XPR1: variants seen among roughly 807,000 people sequenced by gnomAD.
XPR1 encodes the protein solute carrier family 53 member 1.
Under a neutral mutation model 87.5 loss-of-function variants are expected in XPR1, and 28 were observed. The ratio of observed to expected loss-of-function variants is 0.32; its 90% confidence interval spans 0.24 to 0.44. XPR1 has a LOEUF of 0.44. Among genes scored for constraint, XPR1 ranks in the 20% least tolerant of loss-of-function variants. The pLI, the probability that XPR1 is intolerant of heterozygous loss-of-function variation, is 1.00. For synonymous variants in XPR1, 300 were observed against 306.1 expected (o/e 0.98, Z 0.21); for missense variants, 559 against 862.3 (o/e 0.65, Z 4.41).
chr1:180,634,231 A>G (rs758833706), intron 1 of XPR1, among the ~76,000 whole-genome samples: 2 of 152,206 alleles, frequency 1.3e-5, no homozygotes, highest in Non-Finnish European at 2.9e-5. Flanking sequence ...TTCTCAGGGC[A>G]GTTATAAATT....
chr1:180,821,585 A>T (rs1273747763), intron 7 of XPR1, among the ~76,000 whole-genome samples: 2 of 152,158 alleles, frequency 1.3e-5, no homozygotes, highest in African/African-American at 2.4e-5. Context: ...TCTGAAAAAA[A>T]GCCATTGGAA....
intron 2 of XPR1, among the ~76,000 whole-genome samples, chr1:180,696,200 G>A (rs373127957): frequency 5.8e-4 from 64 of 110,032 alleles, no homozygotes; most frequent in Middle Eastern, 4.7e-3. Context: ...GTGTGTGTGT[G>A]TGTGTGTGTA....
intron 2 of XPR1, among the ~76,000 whole-genome samples, chr1:180,760,798 G>A (rs566520177): frequency 1.3e-5 from 2 of 152,092 alleles, no homozygotes; most frequent in South Asian, 2.1e-4. Flanking sequence ...AAAAGAGCCC[G>A]CATCGCCAAG....
intron 2 of XPR1, among the ~76,000 whole-genome samples, chr1:180,726,930 A>G (rs1302496412): frequency 6.7e-6 from 1 of 149,424 alleles, no homozygotes. Context: ...GCTGGAGTGC[A>G]GTGGCGCGTT....
At chr1:180,736,345 AG>A (rs1658730340) in intron 2 of XPR1, among the ~76,000 whole-genome samples, 1 of 152,178 alleles carries the variant, frequency 6.6e-6, no homozygotes. Flanking sequence ...GGCTCTTATG[AG>A]GACTAAAGGA....
intron 11 of XPR1, among the ~76,000 whole-genome samples, chr1:180,845,027 A>G (rs1651631113): frequency 6.6e-6 from 1 of 152,240 alleles, no homozygotes; most frequent in Non-Finnish European, 1.5e-5. Context: ...GTGATACAGA[A>G]AACAATTTAA....
At chr1:180,810,259 C>T (rs111745966) in intron 6 of XPR1, among the ~76,000 whole-genome samples, 65 of 152,200 alleles carry the variant, frequency 4.3e-4, no homozygotes, top group Non-Finnish European at 8.2e-4. Flanking sequence ...AAGAACCTCT[C>T]GTATATCCTG....
At chr1:180,693,720 C>T (rs73051258) in intron 2 of XPR1, among the ~76,000 whole-genome samples, 2,552 of 152,208 alleles carry the variant, frequency 0.017, 78 homozygotes, top group African/African-American at 0.056. Flanking sequence ...CACTCCAATC[C>T]GTGCCTCTTT....
At chr1:180,724,826 A>G (rs1658282538) in intron 2 of XPR1, among the ~76,000 whole-genome samples, 1 of 152,220 alleles carries the variant, frequency 6.6e-6, no homozygotes, top group Non-Finnish European at 1.5e-5. Context: ...TATCAATTTA[A>G]TATTAATTTG....
chr1:180,739,219 T>C (rs188150490), intron 2 of XPR1, among the ~76,000 whole-genome samples: 1 of 152,326 alleles, frequency 6.6e-6, no homozygotes, highest in African/African-American at 2.4e-5. Flanking sequence ...GACTGTCTAT[T>C]CTGTTTCATT....
chr1:180,783,979 C>T (rs936355317), intron 2 of XPR1, among the ~76,000 whole-genome samples: 6 of 151,640 alleles, frequency 4.0e-5, no homozygotes, highest in East Asian at 3.9e-4. Context: ...CTCTTGAACC[C>T]GGAAGGTGTA....
intron 11 of XPR1, among the ~76,000 whole-genome samples, chr1:180,853,507 C>T (rs1296395681): frequency 6.6e-6 from 1 of 152,090 alleles, no homozygotes; most frequent in Non-Finnish European, 1.5e-5. Flanking sequence ...TCTATCATCT[C>T]AGTTTTGACA....
Position 180,889,182 on chromosome 1 carries a change from G to T in XPR1, c.*5116G>T, listed in dbSNP as rs561451063. The T allele has an allele frequency of 2.6e-5, 4 of 152,300 alleles. No individual in the cohort carries two copies. Among genetic ancestry groups the T allele is most frequent in the African/African-American group, 9.6e-5 (4 of 41,548 alleles). 9.4% of individuals were successfully genotyped at this position (152,300 alleles called of 1,614,324 possible). The stretch of plus-strand genomic sequence containing the variant: ...TGCAACTGAAGTATGTTTCCTTGTA[G>T]CAAACCTTTGGTTTATTTTATCGTC... On this transcript the variant is annotated 3_prime_UTR_variant, in exon 15 of 15. Transcript: ENST00000367590.
chr1:180,739,953 A>G (rs1557983435), intron 2 of XPR1, among the ~76,000 whole-genome samples: 2 of 152,052 alleles, frequency 1.3e-5, no homozygotes, highest in African/African-American at 4.8e-5. Flanking sequence ...CTCAAGTGAT[A>G]AGACCACCTC....
At chr1:180,848,575 T>C (rs929536886) in intron 11 of XPR1, among the ~76,000 whole-genome samples, 1 of 152,198 alleles carries the variant, frequency 6.6e-6, no homozygotes, top group African/African-American at 2.4e-5. Context: ...GTTGGACACT[T>C]ATGTTGATTT....
At position 180,680,357 on chromosome 1, in the gene XPR1, C is replaced by CTTTTTT. The variant is rs369905770; in HGVS notation, c.70-1983_70-1978dup. Among the ~76,000 whole-genome samples, 573 of 83,412 alleles carry CTTTTTT rather than the reference C, an allele frequency of 6.9e-3. 12 individuals are homozygous for CTTTTTT. The highest frequency in any genetic ancestry group is 8.6e-3 in the East Asian group (18 of 2,104). The allele number at this position is 83,412 out of a possible 152,430, so 54.7% of individuals were successfully genotyped here. A position where few individuals can be genotyped will look rare whatever the true frequency, so the allele number is the denominator to read the frequency against. Reference sequence around the variant, plus strand: ...TTCCTCAAATAACTACAAATAGAACCTTTTTTTTTTTTTTTTTTTTTTTTT... The same window carrying CTTTTTT: ...TTCCTCAAATAACTACAAATAGAACCTTTTTTTTTTTTTTTTTTTTTTTTTTTTTTT... On this transcript the variant is annotated intron_variant, in intron 1 of 14. Transcript: ENST00000367590.
At chr1:180,830,658 T>G (rs576359738) in intron 9 of XPR1, among the ~76,000 whole-genome samples, 1 of 152,324 alleles carries the variant, frequency 6.6e-6, no homozygotes, top group Admixed American at 6.5e-5. Flanking sequence ...TCAGAATTTC[T>G]TCTTTCAGGA....
chr1:180,670,154 T>C (rs1487529398), intron 1 of XPR1, among the ~76,000 whole-genome samples: 1 of 152,204 alleles, frequency 6.6e-6, no homozygotes, highest in Non-Finnish European at 1.5e-5. Flanking sequence ...TAGAAGCTTA[T>C]AGTTGAATCA....
chr1:180,656,351 ATATT>A (rs1233055389), intron 1 of XPR1, among the ~76,000 whole-genome samples: 3 of 100,446 alleles, frequency 3.0e-5, no homozygotes, highest in African/African-American at 1.1e-4. Context: ...TATATATTTA[ATATT>A]TATATATATA....
Sources: gnomAD v4.1 joint callset for allele counts (sites outside exome capture counted in the v4.1 genomes callset) on GRCh38, gnomAD v4.1.1 for gene constraint, MANE v1.5 for transcripts, NCBI Gene and HGNC (gene_info 2026-07-23, HGNC 2026-07-21) for gene names.